CCSER2: variants seen among roughly 807,000 people sequenced by gnomAD.
CCSER2 encodes serine-rich coiled-coil domain-containing protein 2.
A neutral mutation model predicts 92.3 loss-of-function variants in CCSER2; 46 were observed. The observed-to-expected ratio is 0.50, with a 90% confidence interval of 0.39 to 0.64. The LOEUF (loss-of-function observed/expected upper bound fraction) is 0.64. Among genes scored for constraint, CCSER2 ranks in the 30% least tolerant of loss-of-function variants. The pLI is 0.00. For missense variants in CCSER2, 1,244 were observed against 1,238.9 expected (o/e 1.00, Z -0.06); for synonymous variants, 433 against 431.4 (o/e 1.00, Z -0.04).
At chr10:84,374,040 T>G (rs2133181779) in intron 3 of CCSER2, 1 of 991,052 alleles carries the variant, frequency 1.0e-6, no homozygotes, top group South Asian at 1.8e-5. Context: ...TACATATATA[T>G]TCCTCATACA....
At chr10:84,481,077 C>G (rs996548352) in intron 9 of CCSER2, among the ~76,000 whole-genome samples, 2 of 151,878 alleles carry the variant, frequency 1.3e-5, no homozygotes, top group African/African-American at 4.8e-5. Context: ...GCTTGGTGGC[C>G]GTGATGTTAG....
intron 6 of CCSER2, among the ~76,000 whole-genome samples, chr10:84,444,146 TA>T (rs888050062): frequency 5.6e-4 from 82 of 147,742 alleles, no homozygotes; most frequent in South Asian, 1.1e-3. Flanking sequence ...ATAATAATAA[TA>T]AAAAAAAAAT....
At chr10:84,363,338 A>T (rs1257188375) in intron 1 of CCSER2, among the ~76,000 whole-genome samples, 1 of 152,104 alleles carries the variant, frequency 6.6e-6, no homozygotes, top group African/African-American at 2.4e-5. Flanking sequence ...AGCTTATGCC[A>T]CAGATGACAG....
chr10:84,449,044 C>T (rs115334550), intron 6 of CCSER2, among the ~76,000 whole-genome samples: 2,276 of 152,188 alleles, frequency 0.015, 56 homozygotes, highest in African/African-American at 0.051. Flanking sequence ...TGAATCTCTA[C>T]GTTTCAATGA....
intron 3 of CCSER2, among the ~76,000 whole-genome samples, chr10:84,393,307 C>G (rs1457051032): frequency 6.6e-6 from 1 of 152,102 alleles, no homozygotes. Flanking sequence ...ATATACTACT[C>G]ATGATTCTAT....
chr10:84,487,953 C>T (rs1251118536), intron 9 of CCSER2, among the ~76,000 whole-genome samples: 1 of 152,108 alleles, frequency 6.6e-6, no homozygotes, highest in Non-Finnish European at 1.5e-5. Context: ...GCATGAAGCG[C>T]TGTTGAATTT....
intron 3 of CCSER2, among the ~76,000 whole-genome samples, chr10:84,402,067 T>C (rs1842146652): frequency 1.3e-5 from 2 of 152,202 alleles, no homozygotes; most frequent in Non-Finnish European, 2.9e-5. Context: ...ACTCTTTTTC[T>C]CTCTACCTGC....
At chr10:84,354,374 T>TGGCAAAGGTGACCAAA (rs1159448707) in intron 1 of CCSER2, among the ~76,000 whole-genome samples, 1 of 152,170 alleles carries the variant, frequency 6.6e-6, no homozygotes, top group Non-Finnish European at 1.5e-5. Context: ...GAAACTGCTT[T>TGGCAAAGGTGACCAAA]GGCAAAGGTG....
At chr10:84,446,917 C>T (rs1213674133) in intron 6 of CCSER2, among the ~76,000 whole-genome samples, 1 of 151,916 alleles carries the variant, frequency 6.6e-6, no homozygotes, top group African/African-American at 2.4e-5. Flanking sequence ...AAGGTTCATT[C>T]ATGTTTGGCT....
At chr10:84,492,650 C>T (rs998753312) in intron 9 of CCSER2, among the ~76,000 whole-genome samples, 5 of 152,118 alleles carry the variant, frequency 3.3e-5, no homozygotes, top group African/African-American at 4.8e-5. Context: ...CCCTCTATTC[C>T]TAGATTGCTA....
rs1849630794 is a variant in CCSER2, at chr10:84,517,365, T to TAAG, written c.*3100_*3101insGAA. ...AGAGTTATGTCATTTAGACTGTTTCTAATAACTGAGACCATCTAACATTTT... is the reference window on the plus strand; with the variant it reads ...AGAGTTATGTCATTTAGACTGTTTCTAAGAATAACTGAGACCATCTAACATTTT... On this transcript the variant is annotated 3_prime_UTR_variant, in exon 10 of 10. Coordinates refer to ENST00000372088, the MANE Select transcript of CCSER2 (RefSeq NM_001284240.2). The TAAG allele has an allele frequency of 6.5e-6, 1 of 152,682 alleles. No homozygotes were observed. The highest frequency in any genetic ancestry group is 1.5e-5 in the Non-Finnish European group (1 of 68,036). The allele number at this position is 152,682 out of a possible 1,614,324, so 9.5% of individuals were successfully genotyped here. A position where few individuals can be genotyped will look rare whatever the true frequency, so the allele number is the denominator to read the frequency against.
Position 84,513,866 on chromosome 10 carries a change from T to C in CCSER2, c.2743T>C (p.Ser915Pro). The C allele has an allele frequency of 6.5e-7, 1 of 1,536,354 alleles. No homozygotes were observed. The highest frequency in any genetic ancestry group is 1.2e-5 in the South Asian group (1 of 84,066). The change falls in exon 10 of 10, where the codon TCT (serine) becomes CCT (proline). Residue 915 changes from serine (S) to proline (P), a missense_variant. Transcript: ENST00000372088. ...TCAGTCTCCGCCAGTGGGTTATATGTCTCAGCCCAAGTCCTTGCAGCTTTT... is the reference window on the plus strand; with the variant it reads ...TCAGTCTCCGCCAGTGGGTTATATGCCTCAGCCCAAGTCCTTGCAGCTTTT... ...RNQSPPVGYM[S>P]QPKSLQLLKP...
intron 7 of CCSER2, among the ~76,000 whole-genome samples, chr10:84,468,556 A>T (rs886789757): frequency 6.6e-6 from 1 of 152,210 alleles, no homozygotes; most frequent in Non-Finnish European, 1.5e-5. Flanking sequence ...TGCTATATAC[A>T]TGCTGGCTAT....
At chr10:84,460,267 T>C (rs1407111290) in intron 6 of CCSER2, among the ~76,000 whole-genome samples, 1 of 150,002 alleles carries the variant, frequency 6.7e-6, no homozygotes, top group African/African-American at 2.5e-5. Flanking sequence ...TTTTTTTTTT[T>C]TTTTTTTCAT....
At chr10:84,466,018 G>A (rs61866496) in intron 7 of CCSER2, among the ~76,000 whole-genome samples, 15,180 of 152,252 alleles carry the variant, frequency 0.1, 958 homozygotes, top group Admixed American at 0.15. Context: ...GATTACAGGC[G>A]TGAGCCACTG....
chr10:84,332,412 T>TATATATATATA (rs1554828779), intron 1 of CCSER2, among the ~76,000 whole-genome samples: 6 of 82,272 alleles, frequency 7.3e-5, no homozygotes, highest in African/African-American at 3.6e-4. Context: ...ATTTATTTTT[T>TATATATATATA]TATATATATA....
chr10:84,514,741 A>C lies in CCSER2; in HGVS notation c.*474A>C, dbSNP rs192873950. 1 of 157,320 alleles carries C rather than the reference A, an allele frequency of 6.4e-6. No individual in the cohort carries two copies. Among genetic ancestry groups the C allele is most frequent in the Non-Finnish European group, 1.4e-5 (1 of 71,062 alleles). 9.7% of individuals were successfully genotyped at this position (157,320 alleles called of 1,614,324 possible). On this transcript the variant is annotated 3_prime_UTR_variant, in exon 10 of 10. Coordinates refer to ENST00000372088, the MANE Select transcript of CCSER2 (RefSeq NM_001284240.2). ...GTAGTCTGTAAGCAGAGTTCTGGCC[A>C]GTGTTTTGTATATTTAAAAGGTCTA...
intron 1 of CCSER2, among the ~76,000 whole-genome samples, chr10:84,363,017 T>TC (rs1416041254): frequency 1.3e-5 from 2 of 150,802 alleles, no homozygotes; most frequent in Admixed American, 1.3e-4. Flanking sequence ...TTTTTTTTTT[T>TC]TGTATTTTTA....
At chr10:84,477,174 A>G (rs1285760936) in intron 8 of CCSER2, among the ~76,000 whole-genome samples, 2 of 152,230 alleles carry the variant, frequency 1.3e-5, no homozygotes, top group Non-Finnish European at 2.9e-5. Flanking sequence ...TTATATTGAT[A>G]TACATAAAAT....
Sources: allele counts gnomAD v4.1 joint callset (sites outside exome capture counted in the v4.1 genomes callset), GRCh38; gene constraint gnomAD v4.1.1; transcripts MANE v1.5; gene names NCBI Gene and HGNC (gene_info 2026-07-23, HGNC 2026-07-21).